The following UEVLD variants were observed in gnomAD, a reference collection of about 807,000 sequenced individuals.
UEVLD encodes the protein ubiquitin-conjugating enzyme E2 variant 3.
UEVLD carries 47 observed loss-of-function variants against 58.6 expected under a neutral mutation model. The observed-to-expected ratio is 0.80, with a 90% CI of 0.63 to 1.02. The LOEUF (loss-of-function observed/expected upper bound fraction) is 1.02. Among genes scored for constraint, UEVLD ranks in the 50% least tolerant of loss-of-function variants. The pLI is 0.00. For missense variants in UEVLD, 510 were observed against 550.6 expected, an observed-to-expected ratio of 0.93 and a Z score of 0.74; for synonymous variants, 197 against 195.3, an observed-to-expected ratio of 1.01 and a Z score of -0.07.
intron 7 of UEVLD, among the ~76,000 whole-genome samples, chr11:18,554,097 C>CT (rs911339485): frequency 5.3e-5 from 8 of 151,406 alleles, no homozygotes; most frequent in East Asian, 1.9e-4. Flanking sequence ...TTAATAGTTT[C>CT]TTTTTTTTTG....
Position 18,534,423 on chromosome 11 carries a change from T to A in UEVLD, c.1155A>T (p.Gln385His). The A allele has an allele frequency of 6.3e-7, 1 of 1,577,344 alleles. No individual in the cohort carries two copies. The highest frequency in any genetic ancestry group is 8.6e-7 in the Non-Finnish European group (1 of 1,169,124). ...RAMELLRVKG[Q>H]RSWSVGLSVA... The stretch of plus-strand genomic sequence containing the variant: ...CTGATAGTCCAACAGACCAGGATCT[T>A]TGACCTTTTACTCTTAGCAGTTCCA... The change falls in exon 11 of 12, where the codon CAA becomes CAT. Residue 385 changes from glutamine to histidine, a missense_variant. Gln to His is a conservative substitution (Grantham distance 24, BLOSUM62 0). Coordinates refer to ENST00000396197, the MANE Select transcript of UEVLD (RefSeq NM_001040697.4).
rs754033037 is a variant in UEVLD, at chr11:18,544,815, GTAAAAAATGTAAAGGT to G, written c.887-35_887-20del. The G allele has an allele frequency of 1.3e-6, 2 of 1,491,746 alleles. No homozygotes were observed. Among genetic ancestry groups the G allele is most frequent in the Non-Finnish European group, 1.8e-6 (2 of 1,127,128 alleles). 92.4% of individuals were successfully genotyped at this position (1,491,746 alleles called of 1,614,324 possible). A position where few individuals can be genotyped will look rare whatever the true frequency, so the allele number is the denominator to read the frequency against. On this transcript the variant is annotated intron_variant, in intron 8 of 11. Transcript: ENST00000396197. ...ATTTCCACTAAATATTGCATACAAG[GTAAAAAATGTAAAGGT>G]TAAAAAATATATACTTCTAGCCTAG...
Position 18,545,070 on chromosome 11 carries a change from C to CTATATCTATATA in UEVLD, c.887-275_887-274insTATATAGATATA, listed in dbSNP as rs1554976327. On this transcript the variant is annotated intron_variant, in intron 8 of 11. Transcript: ENST00000396197. ...TCTATATCTATATCTATATCTATAT[C>CTATATCTATATA]TATATTTTTTTTTTTTTTTTGAGAT... 6.4e-3 allele frequency among the ~76,000 whole-genome samples: 663 copies of CTATATCTATATA among 103,444 alleles called. 15 individuals carry two copies. Among genetic ancestry groups the CTATATCTATATA allele is most frequent in the African/African-American group, 0.023 (645 of 27,944 alleles). 67.9% of individuals were successfully genotyped at this position (103,444 alleles called of 152,430 possible).
intron 7 of UEVLD, among the ~76,000 whole-genome samples, chr11:18,551,900 G>A: frequency 6.6e-6 from 1 of 152,146 alleles, no homozygotes; most frequent in Non-Finnish European, 1.5e-5. Flanking sequence ...ACTGTTCTCG[G>A]ATTATGAGGC....
chr11:18,579,867 A>T (rs1853137395), intron 1 of UEVLD, among the ~76,000 whole-genome samples: 1 of 152,226 alleles, frequency 6.6e-6, no homozygotes, highest in African/African-American at 2.4e-5. Flanking sequence ...AATAAATTTA[A>T]CAAGGTACAA....
At chr11:18,553,025 T>C (rs1025191241) in intron 7 of UEVLD, among the ~76,000 whole-genome samples, 1 of 151,670 alleles carries the variant, frequency 6.6e-6, no homozygotes, top group Non-Finnish European at 1.5e-5. Flanking sequence ...CATGGTGGCA[T>C]GCGCCTATAG....
At chr11:18,588,534 C>G in intron 1 of UEVLD, 79 bp downstream of exon 1, 1 of 1,536,616 alleles carries the variant, frequency 6.5e-7, no homozygotes, top group South Asian at 1.2e-5. Flanking sequence ...AAACGCAAAA[C>G]GGAGGCAACC....
At chr11:18,545,074 A>ATTTTTTTTTT (rs773948158) in intron 8 of UEVLD, among the ~76,000 whole-genome samples, 2 of 84,572 alleles carry the variant, frequency 2.4e-5, no homozygotes, top group African/African-American at 4.1e-5. Context: ...CTATATCTAT[A>ATTTTTTTTTT]TTTTTTTTTT....
chr11:18,549,024 A>G (rs978591869), intron 7 of UEVLD, among the ~76,000 whole-genome samples: 8 of 152,228 alleles, frequency 5.3e-5, no homozygotes, highest in African/African-American at 1.7e-4. Flanking sequence ...ACAGTTCTCC[A>G]TAAATTTATT....
chr11:18,544,650 C>T lies in UEVLD; in HGVS notation c.1033G>A (p.Val345Ile), dbSNP rs1354879179. ...KAQTSGKEVW[V>I]IGEQGEDKVL... ...TTGTCTTCTCCTTGCTCGCCAATAA[C>T]CCATACTTCTTTGCCTGAAGTCTGT... is the stretch of plus-strand genomic sequence containing the variant. Residue 345 changes from valine to isoleucine, a missense_variant, in exon 9 of 12, where the codon GTT becomes ATT. Physicochemically the swap from Val to Ile is conservative, Grantham distance 29. Transcript: ENST00000396197. The T allele has an allele frequency of 1.9e-6, 3 of 1,595,006 alleles. No individual in the cohort carries two copies. Among genetic ancestry groups the T allele is most frequent in the Non-Finnish European group, 2.6e-6 (3 of 1,173,674 alleles).
At chr11:18,567,798 G>A (rs1185705493) in intron 4 of UEVLD, among the ~76,000 whole-genome samples, 1 of 152,150 alleles carries the variant, frequency 6.6e-6, no homozygotes, top group African/African-American at 2.4e-5. Flanking sequence ...GGAACTTAAA[G>A]GTGCTGCAGT....
At chr11:18,551,838 A>T (rs1243887857) in intron 7 of UEVLD, among the ~76,000 whole-genome samples, 1 of 152,218 alleles carries the variant, frequency 6.6e-6, no homozygotes, top group Non-Finnish European at 1.5e-5. Flanking sequence ...GGGATGATCA[A>T]ATCAAGTATG....
intron 7 of UEVLD, among the ~76,000 whole-genome samples, chr11:18,557,210 T>C (rs1851790365): frequency 6.6e-6 from 1 of 152,016 alleles, no homozygotes; most frequent in African/African-American, 2.4e-5. Flanking sequence ...TGGAGTGCAG[T>C]GGCGCATCTC....
intron 3 of UEVLD, 119 bp downstream of exon 3, chr11:18,575,228 C>T: frequency 9.3e-7 from 1 of 1,072,274 alleles, no homozygotes; most frequent in Non-Finnish European, 1.4e-6. Flanking sequence ...CAGTAAGGTT[C>T]TGTATAGGTC....
intron 7 of UEVLD, among the ~76,000 whole-genome samples, chr11:18,551,403 ACCG>A (rs1851521400): frequency 6.7e-6 from 1 of 148,670 alleles, no homozygotes; most frequent in Non-Finnish European, 1.5e-5. Flanking sequence ...AACCTGGGCA[ACCG>A]AGTAAGACTC....
At chr11:18,578,302 G>C (rs1188634182) in intron 2 of UEVLD, among the ~76,000 whole-genome samples, 1 of 152,186 alleles carries the variant, frequency 6.6e-6, no homozygotes, top group African/African-American at 2.4e-5. Context: ...ATGGAGAAAG[G>C]AGACCAAGAG....
chr11:18,570,359 G>T lies in UEVLD; in HGVS notation c.212C>A (p.Pro71Gln). 6.4e-7 allele frequency: 1 copy of T among 1,566,116 alleles called. No homozygotes were observed. Among genetic ancestry groups the T allele is most frequent in the South Asian group, 1.2e-5 (1 of 82,554 alleles). The part of the protein sequence containing the change: ...VMYQGNTYNI[P>Q]IRFWILDSHP... ...AGAATCCAAAATCCAGAAACGAATT[G>T]GTATGTTATATGTATTACCTATTTG... The change falls in exon 4 of 12, where the codon CCA (proline) becomes CAA (glutamine). Residue 71 changes from proline to glutamine, a missense_variant. Coordinates refer to ENST00000396197, the MANE Select transcript of UEVLD (RefSeq NM_001040697.4).
At chr11:18,572,179 T>G (rs1216254468) in intron 3 of UEVLD, among the ~76,000 whole-genome samples, 1 of 151,996 alleles carries the variant, frequency 6.6e-6, no homozygotes, top group Non-Finnish European at 1.5e-5. Flanking sequence ...GCGTTTGCAG[T>G]GAGCCGAGAT....
chr11:18,575,489 C>T (rs1852860028), intron 2 of UEVLD, 77 bp from the exon 3 acceptor site: 1 of 1,381,958 alleles, frequency 7.2e-7, no homozygotes. Context: ...TAAGTGTGCA[C>T]ATGTGTGTGC....
Sources: allele counts gnomAD v4.1 joint callset (sites outside exome capture counted in the v4.1 genomes callset), GRCh38; gene constraint gnomAD v4.1.1; transcripts MANE v1.5; gene names NCBI Gene and HGNC (gene_info 2026-07-23, HGNC 2026-07-21).